LHFPL3: variants seen among roughly 807,000 people sequenced by gnomAD.
The protein encoded by LHFPL3 is LHFPL tetraspan subfamily member 3, also known as LHFPL tetraspan subfamily member 3 protein.
LHFPL3 carries 5 observed loss-of-function variants against 19.3 expected under a neutral mutation model. The ratio of observed to expected loss-of-function variants is 0.26; its 90% CI spans 0.14 to 0.54. The LOEUF (loss-of-function observed/expected upper bound fraction) is 0.54, where lower values mean the gene tolerates loss of function less well. Among genes scored for constraint, LHFPL3 ranks in the 20% least tolerant of loss-of-function variants. The pLI is 0.94. For missense variants in LHFPL3, 249 were observed against 307.4 expected (o/e 0.81, Z 1.42); for synonymous variants, 133 against 126.2 (o/e 1.05, Z -0.36).
chr7:104,399,980 T>G lies in LHFPL3; in HGVS notation c.445+70756T>G, dbSNP rs1336046414. On this transcript the variant is annotated intron_variant, in intron 1 of 2. Transcript: ENST00000424859. This position sits in a 1 kb window ranked among gnomAD's most constrained non-coding sequence, Gnocchi z 4.4. ...TTAGCTGGGCATGGTGGCAGATGCCTGTAATCCCAGCTACCCGGGAGGCTG... is the reference window on the plus strand; with the variant it reads ...TTAGCTGGGCATGGTGGCAGATGCCGGTAATCCCAGCTACCCGGGAGGCTG... Among the ~76,000 whole-genome samples, 2 of 151,030 alleles carry G rather than the reference T, an allele frequency of 1.3e-5. No homozygotes were observed. Among genetic ancestry groups the G allele is most frequent in the Non-Finnish European group, 3.0e-5 (2 of 67,792 alleles).
chr7:104,585,391 C>T (rs1040263065), intron 1 of LHFPL3, among the ~76,000 whole-genome samples: 1 of 151,790 alleles, frequency 6.6e-6, no homozygotes, highest in African/African-American at 2.4e-5. Context: ...TCGTCATCAT[C>T]CCCCTCATCA....
At chr7:104,425,393 T>A (rs1303151121) in intron 1 of LHFPL3, among the ~76,000 whole-genome samples, 1 of 150,460 alleles carries the variant, frequency 6.6e-6, no homozygotes, top group Non-Finnish European at 1.5e-5. Flanking sequence ...AAAAGTTAGA[T>A]TTTTTTTTTA....
chr7:104,862,827 G>C (rs1360345611), intron 2 of LHFPL3, among the ~76,000 whole-genome samples: 2 of 152,198 alleles, frequency 1.3e-5, no homozygotes, highest in Non-Finnish European at 2.9e-5. Flanking sequence ...CATTCCACGG[G>C]AGAGTCAAAG....
chr7:104,401,323 G>A (rs936160243), intron 1 of LHFPL3, among the ~76,000 whole-genome samples: 2 of 152,144 alleles, frequency 1.3e-5, no homozygotes, highest in African/African-American at 4.8e-5. Context: ...ATTTTTTAAA[G>A]GCTATAGCTG....
At chr7:104,793,167 A>C (rs569695966) in intron 2 of LHFPL3, among the ~76,000 whole-genome samples, 2 of 152,274 alleles carry the variant, frequency 1.3e-5, no homozygotes, top group South Asian at 2.1e-4. Flanking sequence ...AAGTGATGGG[A>C]TTACAGGCGT....
At chr7:104,418,746 G>A (rs1487837985) in intron 1 of LHFPL3, among the ~76,000 whole-genome samples, 3 of 152,184 alleles carry the variant, frequency 2.0e-5, no homozygotes, top group Admixed American at 2.0e-4. Context: ...TTCAAGGATA[G>A]GTGTGATTCT....
chr7:104,381,306 CAA>C (rs1216988158), intron 1 of LHFPL3, among the ~76,000 whole-genome samples: 1 of 152,278 alleles, frequency 6.6e-6, no homozygotes, highest in East Asian at 1.9e-4. Context: ...CAGGGTGACT[CAA>C]GAGGTCTTCT....
At chr7:104,497,861 G>A (rs1192250708) in intron 1 of LHFPL3, among the ~76,000 whole-genome samples, 1 of 152,124 alleles carries the variant, frequency 6.6e-6, no homozygotes, top group Non-Finnish European at 1.5e-5. Context: ...TAATCACAGA[G>A]CCCTGACACC....
At chr7:104,735,561 T>A (rs538944856) in intron 1 of LHFPL3, among the ~76,000 whole-genome samples, 1 of 152,354 alleles carries the variant, frequency 6.6e-6, no homozygotes, top group Non-Finnish European at 1.5e-5. Context: ...CTATGACCAC[T>A]GGAAAAGCGC....
intron 1 of LHFPL3, among the ~76,000 whole-genome samples, chr7:104,711,582 AT>A (rs1793300349): frequency 6.6e-6 from 1 of 152,230 alleles, no homozygotes. Flanking sequence ...AAGGTGACCC[AT>A]TCTCTTGGAA....
chr7:104,602,020 C>CTTTTTTT (rs57501560), intron 1 of LHFPL3, among the ~76,000 whole-genome samples: 13,526 of 90,498 alleles, frequency 0.15, 1,073 homozygotes, highest in East Asian at 0.26. Context: ...TTTTTCTTTT[C>CTTTTTTT]TTTTTTTTTT....
rs116877338 is a variant in LHFPL3, at chr7:104,851,908, C to T, written c.683-54279C>T. Among the ~76,000 whole-genome samples, 523 of 152,196 alleles carry T rather than the reference C, an allele frequency of 3.4e-3. 14 individuals carry two copies. In the East Asian group the frequency reaches 0.056, roughly 16 times the overall value. On this transcript the variant is annotated intron_variant, in intron 2 of 2. Coordinates refer to ENST00000424859, the MANE Select transcript of LHFPL3 (RefSeq NM_199000.3). ...GGCTCAAGCCTCTATTTTCAAACCA[C>T]GTGGGCAGAGCAGGAGAAAAGCTGG...
rs187059083 is a variant in LHFPL3 at position 104,462,038 on chromosome 7, C to T, written c.445+132814C>T. On this transcript the variant is annotated intron_variant, in intron 1 of 2. Coordinates refer to ENST00000424859, the MANE Select transcript of LHFPL3 (RefSeq NM_199000.3). ...AATTGTGAATTCCTGATTTGGCTCTCGGCTTAGCTGTTGGTGGTATATAAG... is the reference window on the plus strand; with the variant it reads ...AATTGTGAATTCCTGATTTGGCTCTTGGCTTAGCTGTTGGTGGTATATAAG... Among the ~76,000 whole-genome samples, 70 of 152,180 alleles carry T rather than the reference C, an allele frequency of 4.6e-4. 1 individual carries two copies. In the East Asian group the frequency reaches 0.01, roughly 23 times the overall value.
At chr7:104,837,664 T>G (rs1791123344) in intron 2 of LHFPL3, among the ~76,000 whole-genome samples, 1 of 152,176 alleles carries the variant, frequency 6.6e-6, no homozygotes, top group Non-Finnish European at 1.5e-5. Context: ...ACAGGTGGTG[T>G]TTGGTTACAT....
chr7:104,817,416 C>T (rs1487850257), intron 2 of LHFPL3, among the ~76,000 whole-genome samples: 1 of 152,168 alleles, frequency 6.6e-6, no homozygotes, highest in East Asian at 1.9e-4. Context: ...GCAGGGTTTT[C>T]TTGTTCATTG....
intron 1 of LHFPL3, among the ~76,000 whole-genome samples, chr7:104,710,696 G>T (rs534798235): frequency 6.6e-6 from 1 of 152,286 alleles, no homozygotes; most frequent in East Asian, 1.9e-4. Flanking sequence ...TCATCAGGTT[G>T]TAATGAGGTT....
At chr7:104,459,717 C>CT (rs1562904039) in intron 1 of LHFPL3, among the ~76,000 whole-genome samples, 1 of 152,108 alleles carries the variant, frequency 6.6e-6, no homozygotes, top group Non-Finnish European at 1.5e-5. Context: ...TTATTCTTGT[C>CT]CTTTTGTTCC....
At position 104,328,622 on chromosome 7, in the gene LHFPL3, GGGA is replaced by G. The variant is rs1801507403; in HGVS notation, c.-156_-154del. The G allele has an allele frequency of 1.5e-6, 1 of 671,998 alleles. No homozygotes were observed. Among genetic ancestry groups the G allele is most frequent in the Non-Finnish European group, 2.5e-6 (1 of 399,396 alleles). The allele number at this position is 671,998 out of a possible 1,614,324, so 41.6% of individuals were successfully genotyped here. ...CTCCGCGCTCCCCCGCCCTCCTTCC[GGGA>G]GCGAGGATGCAGACTCTGAAACTGG... On this transcript the variant is annotated 5_prime_UTR_variant, in exon 1 of 3. Transcript: ENST00000424859. This position sits in a 1 kb window ranked among gnomAD's most constrained non-coding sequence, Gnocchi z 4.6.
chr7:104,605,823 G>A (rs1046914374), intron 1 of LHFPL3, among the ~76,000 whole-genome samples: 2 of 149,524 alleles, frequency 1.3e-5, no homozygotes, highest in African/African-American at 4.9e-5. Flanking sequence ...TTAGAGGGCA[G>A]AAAATTCAAG....
Sources: gnomAD v4.1 joint callset for allele counts (sites outside exome capture counted in the v4.1 genomes callset) on GRCh38, gnomAD v4.1.1 for gene constraint, Gnocchi (gnomAD v3.1) non-coding constraint, MANE v1.5 for transcripts, NCBI Gene and HGNC (gene_info 2026-07-23, HGNC 2026-07-21) for gene names.